RNF38: variants seen among roughly 807,000 people sequenced by gnomAD.
RNF38 encodes E3 ubiquitin-protein ligase RNF38.
In RNF38, 15 loss-of-function variants were observed where a neutral mutation model predicts 67.2. The ratio of observed to expected loss-of-function variants is 0.22; its 90% CI spans 0.15 to 0.34. The LOEUF (loss-of-function observed/expected upper bound fraction) is 0.34, where lower values mean the gene tolerates loss of function less well. Ranked by LOEUF, RNF38 falls within the 10% of genes least tolerant of loss-of-function variation. RNF38 has a pLI of 1.00. For synonymous variants in RNF38, 220 were observed against 218.8 expected (o/e 1.01, Z -0.05); for missense variants, 524 against 639.9 (o/e 0.82, Z 1.95).
chr9:36,378,366 C>T (rs1046646429), intron 2 of RNF38, among the ~76,000 whole-genome samples: 7 of 151,862 alleles, frequency 4.6e-5, no homozygotes, highest in East Asian at 3.9e-4. Context: ...TTAGTAGAGA[C>T]GGGGTTTCAC....
intron 1 of RNF38, among the ~76,000 whole-genome samples, chr9:36,450,690 G>A (rs192804041): frequency 5.3e-5 from 8 of 152,228 alleles, no homozygotes; most frequent in Admixed American, 1.3e-4. Context: ...TGAGGTGGGC[G>A]AATCACCTGA....
At chr9:36,424,631 A>G in exon 2 of RNF38, 1 of 985,824 alleles carries the variant, frequency 1.0e-6, no homozygotes, top group Non-Finnish European at 1.2e-6. Context: ...TGTCATCATG[A>G]CAAATGTGGT....
rs1192559319 is a variant in RNF38 at position 36,353,199 on chromosome 9, G to C, written c.1042C>G (p.Pro348Ala). ...CCAAAGGACACCTCCTGATGCAAAGGATCATGTGTTAAGAACTGCAAGGGA... is the reference window on the plus strand; with the variant it reads ...CCAAAGGACACCTCCTGATGCAAAGCATCATGTGTTAAGAACTGCAAGGGA... ...SAPLQFLTHD[P>A]LHQEVSFGVP... is the part of the protein sequence containing the mutation. Residue 348 changes from proline to alanine, a missense_variant, in exon 7 of 12, where the codon CCT (proline) becomes GCT (alanine). Pro to Ala is a conservative substitution (Grantham distance 27). This residue lies in a region of RNF38 where 461 missense variants were observed against 517.4 expected (regional missense o/e 0.89). Coordinates refer to ENST00000259605, the MANE Select transcript of RNF38 (RefSeq NM_022781.5). The C allele has an allele frequency of 6.2e-7, 1 of 1,613,902 alleles. No homozygotes were observed. Among genetic ancestry groups the C allele is most frequent in the East Asian group, 2.2e-5 (1 of 44,880 alleles).
At chr9:36,347,757 G>A (rs1441878216) in intron 9 of RNF38, among the ~76,000 whole-genome samples, 4 of 152,158 alleles carry the variant, frequency 2.6e-5, no homozygotes, top group African/African-American at 9.7e-5. Flanking sequence ...GTGAAAGGAA[G>A]AGTCACATGT....
chr9:36,451,306 A>G (rs570313861), intron 1 of RNF38, among the ~76,000 whole-genome samples: 2 of 151,912 alleles, frequency 1.3e-5, no homozygotes, highest in South Asian at 2.1e-4. Flanking sequence ...TCTACTAAAA[A>G]TAGAAAAGAT....
intron 1 of RNF38, among the ~76,000 whole-genome samples, chr9:36,398,079 A>G (rs537418732): frequency 6.6e-6 from 1 of 152,352 alleles, no homozygotes; most frequent in South Asian, 2.1e-4. Context: ...ATTAAATAAC[A>G]ATCATAATTC....
At chr9:36,418,434 C>A (rs1838530884) in intron 2 of RNF38, among the ~76,000 whole-genome samples, 2 of 151,696 alleles carry the variant, frequency 1.3e-5, no homozygotes, top group South Asian at 4.2e-4. Flanking sequence ...AGGTGGATCA[C>A]TTGAGGACAG....
rs117697024 is a variant in RNF38 at position 36,442,325 on chromosome 9, A to C, written n.242-17642T>G. ...ATCATCTCCCCTATGAACTTTTAGC[A>C]ATGACTACTATTGGAGCTTGGGGGT... On this transcript the variant is annotated intron_variant and non_coding_transcript_variant, in intron 1 of 3. Coordinates refer to the RNF38 transcript ENST00000488058. 1.9e-3 allele frequency among the ~76,000 whole-genome samples: 282 copies of C among 152,322 alleles called. 2 individuals carry two copies. Among genetic ancestry groups the C allele is most frequent in the Non-Finnish European group, 3.5e-3 (235 of 68,028 alleles).
intron 5 of RNF38, among the ~76,000 whole-genome samples, chr9:36,356,686 T>C (rs942438457): frequency 7.2e-6 from 1 of 138,326 alleles, no homozygotes; most frequent in African/African-American, 2.7e-5. Context: ...ATATAATTTT[T>C]ATAAATTGGT....
At chr9:36,372,709 A>G (rs1835479352) in intron 3 of RNF38, 1 of 478,492 alleles carries the variant, frequency 2.1e-6, no homozygotes, top group African/African-American at 2.0e-5. Flanking sequence ...TTGTCTTGCT[A>G]TGAACGAGGA....
At position 36,338,777 on chromosome 9, in the gene RNF38, A is replaced by G. The variant is rs1832632083; in HGVS notation, c.*975T>C. The G allele has an allele frequency of 6.6e-6, 1 of 152,610 alleles. No individual in the cohort carries two copies. The highest frequency in any genetic ancestry group is 2.4e-5 in the African/African-American group (1 of 41,460). 9.5% of individuals were successfully genotyped at this position (152,610 alleles called of 1,614,324 possible). On this transcript the variant is annotated 3_prime_UTR_variant, in exon 12 of 12. Transcript: ENST00000259605. ...CTAAACATTAAAAAAAATCACAGGT[A>G]CTTTCTGTAAGAAACTTACTGGAAA...
At chr9:36,392,401 G>A (rs1017434289) in intron 1 of RNF38, among the ~76,000 whole-genome samples, 9 of 152,122 alleles carry the variant, frequency 5.9e-5, no homozygotes, top group Admixed American at 1.3e-4. Context: ...GAATCAAGGC[G>A]TATTTACTGA....
intron 1 of RNF38, among the ~76,000 whole-genome samples, chr9:36,475,958 G>A (rs1245360084): frequency 6.1e-5 from 9 of 146,956 alleles, no homozygotes; most frequent in African/African-American, 2.0e-4. Context: ...GCAGTAGGCC[G>A]AGATAATGCC....
chr9:36,353,535 A>G (rs913642996), intron 6 of RNF38, among the ~76,000 whole-genome samples: 3 of 152,178 alleles, frequency 2.0e-5, no homozygotes, highest in African/African-American at 4.8e-5. Flanking sequence ...GATTTCAACA[A>G]GGTTTAAAAC....
chr9:36,476,074 T>C (rs967668142), intron 1 of RNF38, among the ~76,000 whole-genome samples: 42 of 151,982 alleles, frequency 2.8e-4, no homozygotes, highest in Non-Finnish European at 5.6e-4. Context: ...GATAATAGTT[T>C]ACAATTAAGC....
chr9:36,457,599 A>T (rs969269746), intron 1 of RNF38, among the ~76,000 whole-genome samples: 1 of 152,202 alleles, frequency 6.6e-6, no homozygotes, highest in Non-Finnish European at 1.5e-5. Context: ...TCTCAAACTG[A>T]GATCCACAGG....
At chr9:36,393,352 A>G (rs1021104004) in intron 1 of RNF38, among the ~76,000 whole-genome samples, 1 of 152,206 alleles carries the variant, frequency 6.6e-6, no homozygotes, top group African/African-American at 2.4e-5. Flanking sequence ...TTGTCTTAAA[A>G]AGGATGGACC....
rs1050390974 is a variant in RNF38 at position 36,338,014 on chromosome 9, G to A, written c.*1738C>T. On this transcript the variant is annotated 3_prime_UTR_variant, in exon 12 of 12. Coordinates refer to ENST00000259605, the MANE Select transcript of RNF38 (RefSeq NM_022781.5). ...GCAAGCAGCATGGCAGTAACAAGTA[G>A]TTAACACTGAATGGAAAACTGACAC... 6.6e-6 allele frequency: 1 copy of A among 152,638 alleles called. No individual in the cohort carries two copies. The highest frequency in any genetic ancestry group is 1.5e-5 in the Non-Finnish European group (1 of 68,068). The allele number at this position is 152,638 out of a possible 1,614,324, so 9.5% of individuals were successfully genotyped here.
chr9:36,409,293 AAG>A (rs912911229), intron 2 of RNF38, among the ~76,000 whole-genome samples: 137 of 151,628 alleles, frequency 9.0e-4, no homozygotes, highest in Non-Finnish European at 1.4e-3. Flanking sequence ...AAAGAAAAGA[AAG>A]AGAGAGAAAG....
Sources: allele counts gnomAD v4.1 joint callset (sites outside exome capture counted in the v4.1 genomes callset), GRCh38; gene constraint gnomAD v4.1.1; regional missense constraint gnomAD v4.1.1; transcripts MANE v1.5; gene names NCBI Gene and HGNC (gene_info 2026-07-23, HGNC 2026-07-21).